Variants in OR2L13 observed in about 807,000 individuals in gnomAD.
OR2L13 encodes olfactory receptor family 2 subfamily L member 13.
In OR2L13, 14 loss-of-function variants were observed where a neutral mutation model predicts 15.3. That is an observed-to-expected ratio of 0.91 (90% CI 0.60 to 1.43). The LOEUF (loss-of-function observed/expected upper bound fraction) is 1.43, where lower values mean the gene tolerates loss of function less well. Ranked by LOEUF, OR2L13 falls within the 40% of genes most tolerant of loss-of-function variation. The probability of loss-of-function intolerance (pLI) is 0.00; values close to 1 mark genes in which losing one functional copy is unlikely to be tolerated. For missense variants in OR2L13, 367 were observed against 387.9 expected, an observed-to-expected ratio of 0.95 and a Z score of 0.45; for synonymous variants, 152 against 142.9, an observed-to-expected ratio of 1.06 and a Z score of -0.45.
the OR2L13 span, among the ~76,000 whole-genome samples, chr1:248,019,590 A>T: frequency 6.6e-6 from 1 of 152,204 alleles, no homozygotes; most frequent in East Asian, 1.9e-4. Flanking sequence ...GAATGTAGTT[A>T]TCCAGTTTTT....
the OR2L13 span, among the ~76,000 whole-genome samples, chr1:247,959,304 A>C: frequency 6.6e-6 from 1 of 152,188 alleles, no homozygotes; most frequent in Non-Finnish European, 1.5e-5. Context: ...GTTTCTGCTG[A>C]GAGATCTGCT....
chr1:248,070,386 A>G, the OR2L13 span, among the ~76,000 whole-genome samples: 1 of 152,160 alleles, frequency 6.6e-6, no homozygotes, highest in Non-Finnish European at 1.5e-5. Flanking sequence ...CTGGGTACAT[A>G]ACGAAATGAA....
At chr1:248,010,448 G>T in the OR2L13 span, among the ~76,000 whole-genome samples, 1 of 152,112 alleles carries the variant, frequency 6.6e-6, no homozygotes, top group African/African-American at 2.4e-5. Flanking sequence ...GGTTGGCTTG[G>T]TGCAGAGCTG....
the OR2L13 span, among the ~76,000 whole-genome samples, chr1:247,995,915 G>A: frequency 2.0e-5 from 3 of 152,176 alleles, no homozygotes; most frequent in Admixed American, 6.5e-5. Flanking sequence ...GGTCTGCAGA[G>A]CTTGTCTGAG....
the OR2L13 span, among the ~76,000 whole-genome samples, chr1:248,026,298 G>T: frequency 6.6e-6 from 1 of 152,138 alleles, no homozygotes; most frequent in Non-Finnish European, 1.5e-5. Flanking sequence ...ACTTATGTGT[G>T]GATTTCCTTC....
At chr1:248,057,463 C>CTTTTTCCT in the OR2L13 span, among the ~76,000 whole-genome samples, 2 of 152,150 alleles carry the variant, frequency 1.3e-5, no homozygotes, top group South Asian at 2.1e-4. Context: ...GCTACCACTG[C>CTTTTTCCT]TTTTTCCTTT....
the OR2L13 span, among the ~76,000 whole-genome samples, chr1:248,071,689 C>T: frequency 1.3e-5 from 2 of 151,280 alleles, no homozygotes; most frequent in African/African-American, 4.9e-5. Flanking sequence ...GTCAAATTGT[C>T]CCTGTTTGCA....
At chr1:247,983,067 C>T in the OR2L13 span, among the ~76,000 whole-genome samples, 1 of 151,856 alleles carries the variant, frequency 6.6e-6, no homozygotes, top group Non-Finnish European at 1.5e-5. Context: ...TGTATATCAA[C>T]TTATATGTGT....
the OR2L13 span, among the ~76,000 whole-genome samples, chr1:247,946,322 T>C: frequency 3.9e-5 from 6 of 152,200 alleles, no homozygotes; most frequent in Non-Finnish European, 7.3e-5. Context: ...TTTATTTCTT[T>C]CTTATTTAAT....
the OR2L13 span, among the ~76,000 whole-genome samples, chr1:247,985,958 T>C: frequency 6.6e-6 from 1 of 152,202 alleles, no homozygotes; most frequent in Non-Finnish European, 1.5e-5. Flanking sequence ...GATGGGGTTG[T>C]TTGTTTTTTC....
downstream of OR2L13, chr1:248,101,131 A>C (rs1216316717): frequency 1.3e-5 from 2 of 152,162 alleles, no homozygotes; most frequent in African/African-American, 4.8e-5. Context: ...TGTATACATA[A>C]AAATTAATAA....
the OR2L13 span, chr1:248,004,103 T>C: frequency 1.3e-6 from 2 of 1,536,854 alleles, no homozygotes; most frequent in Middle Eastern, 1.7e-4. Context: ...AGGACTCAGA[T>C]ACACATCCAT....
chr1:247,965,251 A>G, the OR2L13 span: 5 of 1,151,216 alleles, frequency 4.3e-6, no homozygotes, highest in Non-Finnish European at 4.8e-6. Context: ...ACATGTAGAT[A>G]GTTGCCAAAC....
chr1:247,960,352 T>G, the OR2L13 span, among the ~76,000 whole-genome samples: 4 of 152,156 alleles, frequency 2.6e-5, no homozygotes, highest in Admixed American at 2.6e-4. Context: ...CCACCCCTAC[T>G]GGGGGGTGCC....
the OR2L13 span, among the ~76,000 whole-genome samples, chr1:248,070,329 A>T: frequency 6.6e-6 from 1 of 151,966 alleles, no homozygotes; most frequent in South Asian, 2.1e-4. Context: ...ACTCACTCAA[A>T]ACCACTCAAC....
At chr1:248,051,267 C>CT in the OR2L13 span, 6 of 152,208 alleles carry the variant, frequency 3.9e-5, no homozygotes, top group South Asian at 1.2e-3. Flanking sequence ...CAATATTTGT[C>CT]TTTTTGTGAC....
chr1:248,044,549 AT>A, the OR2L13 span, among the ~76,000 whole-genome samples: 1 of 84,764 alleles, frequency 1.2e-5, no homozygotes, highest in Non-Finnish European at 2.0e-5. Context: ...CACGCCTGTA[AT>A]CCCAGCACTT....
the OR2L13 span, among the ~76,000 whole-genome samples, chr1:247,940,344 T>A: frequency 6.6e-6 from 1 of 152,194 alleles, no homozygotes; most frequent in Non-Finnish European, 1.5e-5. Flanking sequence ...GGAATACTTT[T>A]AAATGGTTTT....
At chr1:248,017,575 T>A in the OR2L13 span, among the ~76,000 whole-genome samples, 58 of 152,348 alleles carry the variant, frequency 3.8e-4, no homozygotes, top group Non-Finnish European at 7.6e-4. Context: ...TTCTGCCTTA[T>A]TGGGAAGTGC....
Sources: allele counts gnomAD v4.1 joint callset (sites outside exome capture counted in the v4.1 genomes callset), GRCh38; gene constraint gnomAD v4.1.1; transcripts MANE v1.5; gene names NCBI Gene and HGNC (gene_info 2026-07-23, HGNC 2026-07-21).